The following MRPL52 variants were observed in gnomAD, a reference collection of about 807,000 sequenced individuals.
MRPL52 encodes the protein mitochondrial ribosomal protein L52, also known as large ribosomal subunit protein mL52.
In MRPL52, 19 loss-of-function variants were observed where a neutral mutation model predicts 22.1. The ratio of observed to expected loss-of-function variants is 0.86; its 90% CI spans 0.60 to 1.26. The LOEUF (loss-of-function observed/expected upper bound fraction) is 1.26. Among genes scored for constraint, MRPL52 ranks in the 50% most tolerant of loss-of-function variants. MRPL52 has a pLI of 0.00. For missense variants in MRPL52, 152 were observed against 148.1 expected (o/e 1.03, Z -0.14); for synonymous variants, 50 against 57.5 (o/e 0.87, Z 0.59).
chr14:22,834,273 T>A lies in MRPL52; in HGVS notation c.321T>A (p.Ala107=). The change falls in exon 5 of 5, where the codon GCT becomes GCA. Residue 107 remains alanine (A), a synonymous_variant. Coordinates refer to ENST00000397496, the MANE Select transcript of MRPL52 (RefSeq NM_180982.3). The part of the protein sequence containing the change: ...LQEEQRKQEN[A]LKPKGASLKS... ...AAGAACAAAGGAAGCAGGAAAATGC[T>A]CTTAAACCCAAAGGGGCTTCACTGA... The A allele has an allele frequency of 1.2e-6, 2 of 1,614,084 alleles. No homozygotes were observed. The highest frequency in any genetic ancestry group is 1.7e-6 in the Non-Finnish European group (2 of 1,180,018).
In MRPL52 at chr14:22,834,339, C is replaced by T. The variant is rs566943713; in HGVS notation, c.*18C>T. ...GTCAATAAAAAGCAACTCCTGCCTC[C>T]CTTCCTCACCCTGTCTCTGGATTTC... On this transcript the variant is annotated 3_prime_UTR_variant, in exon 5 of 5. Coordinates refer to ENST00000397496, the MANE Select transcript of MRPL52 (RefSeq NM_180982.3). 1.6e-4 allele frequency: 259 copies of T among 1,599,564 alleles called. 4 individuals are homozygous for T. The South Asian group carries it at 2.8e-3, about 17-fold the overall frequency.
At chr14:22,832,316 A>G (rs2039638622) in intron 3 of MRPL52, among the ~76,000 whole-genome samples, 1 of 151,948 alleles carries the variant, frequency 6.6e-6, no homozygotes, top group South Asian at 2.1e-4. Flanking sequence ...CAGTGATCAC[A>G]TTGCTTAAGA....
chr14:22,831,866 A>G (rs1269965022), intron 3 of MRPL52: 2 of 152,234 alleles, frequency 1.3e-5, no homozygotes, highest in Non-Finnish European at 2.9e-5. Context: ...AAGTAATAGT[A>G]TTCAGGGCCA....
In MRPL52 at chr14:22,829,935, T is replaced by A; in HGVS notation, c.23T>A (p.Leu8His). The A allele has an allele frequency of 1.2e-6, 2 of 1,607,478 alleles. No homozygotes were observed. The highest frequency in any genetic ancestry group is 1.7e-6 in the Non-Finnish European group (2 of 1,176,784). Residue 8 changes from leucine to histidine, a missense_variant, in exon 1 of 5, where the codon CTC becomes CAC. Leu to His is a moderately conservative substitution (Grantham distance 99). Transcript: ENST00000397496. MAALGTV[L>H]FSVRRLHCSV... ...AGCATGGCTGCTTTAGGGACTGTTC[T>A]CTTCAGTGAGTGGGTATAGATAGGG...
chr14:22,830,247 A>G lies in MRPL52; in HGVS notation c.147A>G (p.Ser49=). The G allele has an allele frequency of 6.2e-7, 1 of 1,614,256 alleles. No individual in the cohort carries two copies. Among genetic ancestry groups the G allele is most frequent in the Non-Finnish European group, 8.5e-7 (1 of 1,180,048 alleles). The change falls in exon 3 of 5, where the codon TCA becomes TCG. Residue 49 remains serine (S), a synonymous_variant. Coordinates refer to ENST00000397496, the MANE Select transcript of MRPL52 (RefSeq NM_180982.3). ...CCCTTACCGAGCTCCCAGACTGGTC[A>G]TATGCGGGTAAGCGCTGATCTGGCA... The part of the protein sequence containing the change: ...YGPLTELPDW[S]YADGRPAPPM...
chr14:22,830,178 T>C lies in MRPL52; in HGVS notation c.87-9T>C, dbSNP rs1655377933. On this transcript the variant is annotated splice_polypyrimidine_tract_variant and intron_variant, in intron 2 of 4. Coordinates refer to ENST00000397496, the MANE Select transcript of MRPL52 (RefSeq NM_180982.3). ...CTAGGTCCTCACAGATCTGTTTTTC[T>C]CCACACAGGCAGGGACTGGCTGCCA... 6.2e-7 allele frequency: 1 copy of C among 1,614,060 alleles called. No homozygotes were observed. Among genetic ancestry groups the C allele is most frequent in the African/African-American group, 1.3e-5 (1 of 74,922 alleles).
Position 22,834,500 on chromosome 14 carries a change from T to C in MRPL52, c.*179T>C, listed in dbSNP as rs2039696450. On this transcript the variant is annotated 3_prime_UTR_variant, in exon 5 of 5. Transcript: ENST00000397496. ...TGGGAGGCTTGGCTTAGTACTCTCATCTCTGGTTCCATTCCAGTTCAGCTA... is the reference window on the plus strand; with the variant it reads ...TGGGAGGCTTGGCTTAGTACTCTCACCTCTGGTTCCATTCCAGTTCAGCTA... 5.9e-6 allele frequency: 4 copies of C among 675,336 alleles called. No homozygotes were observed. Among genetic ancestry groups the C allele is most frequent in the Non-Finnish European group, 9.7e-6 (4 of 413,410 alleles). The allele number at this position is 675,336 out of a possible 1,614,324, so 41.8% of individuals were successfully genotyped here.
intron 4 of MRPL52, 107 bp downstream of exon 4, chr14:22,833,589 G>T: frequency 1.3e-6 from 1 of 754,410 alleles, no homozygotes; most frequent in Non-Finnish European, 2.2e-6. Flanking sequence ...CTCATACAGA[G>T]GTTTTATTAA....
Position 22,830,270 on chromosome 14 carries a change from G to A in MRPL52, c.154+16G>A, listed in dbSNP as rs777086755. ...TCATATGCGGGTAAGCGCTGATCTG[G>A]CAGTTAACTCCACTGGGGAGATTTT... On this transcript the variant is annotated intron_variant, in intron 3 of 4. Coordinates refer to ENST00000397496, the MANE Select transcript of MRPL52 (RefSeq NM_180982.3). 6 of 1,614,022 alleles carry A rather than the reference G, an allele frequency of 3.7e-6. No homozygotes were observed. The African/African-American group carries it at 5.3e-5, about 14-fold the overall frequency.
Position 22,834,441 on chromosome 14 carries a change from T to C in MRPL52, c.*120T>C. 1 of 1,150,618 alleles carries C rather than the reference T, an allele frequency of 8.7e-7. No homozygotes were observed. Among genetic ancestry groups the C allele is most frequent in the Non-Finnish European group, 1.2e-6 (1 of 827,318 alleles). The allele number at this position is 1,150,618 out of a possible 1,614,324, so 71.3% of individuals were successfully genotyped here. On this transcript the variant is annotated 3_prime_UTR_variant, in exon 5 of 5. Coordinates refer to ENST00000397496, the MANE Select transcript of MRPL52 (RefSeq NM_180982.3). The stretch of plus-strand genomic sequence containing the variant: ...CCATCTGTCTTCAGAGAAAAAGAGC[T>C]GGGACACCAAGAACAAGCTGTTAGA...
intron 3 of MRPL52, chr14:22,831,014 G>A: frequency 7.1e-7 from 1 of 1,407,472 alleles, no homozygotes; most frequent in Non-Finnish European, 9.4e-7. Flanking sequence ...AGATGGTGAA[G>A]ATTTTTTCTA....
chr14:22,833,606 C>A (rs565904313), intron 4 of MRPL52, 124 bp downstream of exon 4: 1 of 685,064 alleles, frequency 1.5e-6, no homozygotes, highest in Non-Finnish European at 2.5e-6. Flanking sequence ...TTAATAACAG[C>A]CAAAGGTTTT....
rs2039559769 is a variant in MRPL52 at position 22,829,912 on chromosome 14, C to T, written c.-1C>T. ...GGCTACCCCGGCTACTCCTGCTCAGCATGGCTGCTTTAGGGACTGTTCTCT... is the reference window on the plus strand; with the variant it reads ...GGCTACCCCGGCTACTCCTGCTCAGTATGGCTGCTTTAGGGACTGTTCTCT... On this transcript the variant is annotated 5_prime_UTR_variant, in exon 1 of 5. Coordinates refer to ENST00000397496, the MANE Select transcript of MRPL52 (RefSeq NM_180982.3). 1.3e-6 allele frequency: 2 copies of T among 1,594,176 alleles called. No homozygotes were observed. The highest frequency in any genetic ancestry group is 4.6e-5 in the East Asian group (2 of 43,898).
At chr14:22,830,928 G>T (rs1251693324) in intron 3 of MRPL52, 1 of 1,403,842 alleles carries the variant, frequency 7.1e-7, no homozygotes, top group Non-Finnish European at 9.7e-7. Context: ...ACAACACAGA[G>T]ATCTGAATAT....
Position 22,830,251 on chromosome 14 carries a change from G to T in MRPL52, c.151G>T (p.Ala51Ser). 1 of 1,614,260 alleles carries T rather than the reference G, an allele frequency of 6.2e-7. No individual in the cohort carries two copies. Among genetic ancestry groups the T allele is most frequent in the Non-Finnish European group, 8.5e-7 (1 of 1,180,044 alleles). Residue 51 changes from alanine (A) to serine (S), a missense_variant, in exon 3 of 5, where the codon GCG becomes TCG. Physicochemically the swap from Ala to Ser is moderately conservative, Grantham distance 99. Coordinates refer to ENST00000397496, the MANE Select transcript of MRPL52 (RefSeq NM_180982.3). ...TACCGAGCTCCCAGACTGGTCATATGCGGGTAAGCGCTGATCTGGCAGTTA... is the reference window on the plus strand; with the variant it reads ...TACCGAGCTCCCAGACTGGTCATATTCGGGTAAGCGCTGATCTGGCAGTTA... The part of the protein sequence containing the change: ...PLTELPDWSY[A>S]DGRPAPPMKG...
rs1383661162 is a variant in MRPL52, at chr14:22,830,105, A to C, written c.81A>C (p.Arg27=). Reference sequence around the variant, plus strand: ...CCGCTTGGGCGGGCGGCCAGTGGCGACTACAGTGAGTCCTGGGATGAGGGC... The same window carrying C: ...CCGCTTGGGCGGGCGGCCAGTGGCGCCTACAGTGAGTCCTGGGATGAGGGC... ...SVAAWAGGQW[R]LQQGLAANPS... Residue 27 remains arginine, a synonymous_variant, in exon 2 of 5, where the codon CGA becomes CGC. Transcript: ENST00000397496. 1.2e-6 allele frequency: 2 copies of C among 1,614,098 alleles called. No homozygotes were observed. Among genetic ancestry groups the C allele is most frequent in the Non-Finnish European group, 1.7e-6 (2 of 1,180,038 alleles).
At chr14:22,832,036 T>C (rs2039632469) in intron 3 of MRPL52, 1 of 152,148 alleles carries the variant, frequency 6.6e-6, no homozygotes, top group Non-Finnish European at 1.5e-5. Flanking sequence ...ATTTCAATAC[T>C]CTGCGCCTTT....
intron 3 of MRPL52, among the ~76,000 whole-genome samples, chr14:22,832,516 A>G (rs557775680): frequency 3.3e-5 from 5 of 151,538 alleles, no homozygotes; most frequent in Non-Finnish European, 4.4e-5. Flanking sequence ...AATTTTTTGT[A>G]TTTTTAGTAG....
intron 3 of MRPL52, chr14:22,830,853 TTGCACA>T: frequency 1.4e-6 from 1 of 698,804 alleles, no homozygotes; most frequent in Non-Finnish European, 2.3e-6. Flanking sequence ...CAGAAGTGAA[TTGCACA>T]TGATCATACA....
Sources: gnomAD v4.1 joint callset for allele counts (sites outside exome capture counted in the v4.1 genomes callset) on GRCh38, gnomAD v4.1.1 for gene constraint, MANE v1.5 for transcripts, NCBI Gene and HGNC (gene_info 2026-07-23, HGNC 2026-07-21) for gene names.